The following AS3MT variants were observed in gnomAD, a reference collection of about 807,000 sequenced individuals.
AS3MT encodes the protein arsenite methyltransferase, also known as S-adenosyl-L-methionine:arsenic(III) methyltransferase.
Under a neutral mutation model 45.3 loss-of-function variants are expected in AS3MT, and 47 were observed. The observed-to-expected ratio is 1.04, with a 90% CI of 0.82 to 1.32. The LOEUF (loss-of-function observed/expected upper bound fraction) is 1.32. Among genes scored for constraint, AS3MT ranks in the 40% most tolerant of loss-of-function variants. The pLI is 0.00. For synonymous variants in AS3MT, 141 were observed against 152.8 expected (o/e 0.92, Z 0.57); for missense variants, 396 against 451.1 (o/e 0.88, Z 1.11).
chr10:102,871,546 CAAAAAAAAAAAAAAAAAA>C (rs748797211), intron 3 of AS3MT, among the ~76,000 whole-genome samples: 2 of 23,266 alleles, frequency 8.6e-5, no homozygotes, highest in Non-Finnish European at 1.4e-4. Flanking sequence ...GACTCCGTCT[CAAAAAAAAAAAAAAAAAA>C]AAAAAAAAAA....
Position 102,870,155 on chromosome 10 carries a change from G to T in AS3MT, c.114G>T (p.Pro38=). 1.9e-6 allele frequency: 3 copies of T among 1,614,162 alleles called. No homozygotes were observed. Among genetic ancestry groups the T allele is most frequent in the Non-Finnish European group, 2.5e-6 (3 of 1,180,032 alleles). ...ACGGCTGTGTCACCACAGCCAGGCC[G>T]GTCCCCAAGCACATCCGGGAAGCCT... ...QTNGCVTTAR[P]VPKHIREALQ... The change falls in exon 3 of 11, where the codon CCG becomes CCT. Residue 38 remains proline, a synonymous_variant. Coordinates refer to ENST00000369880, the MANE Select transcript of AS3MT (RefSeq NM_020682.4).
chr10:102,872,278 G>T (rs1844704308), intron 3 of AS3MT, among the ~76,000 whole-genome samples, 170 bp from the exon 4 acceptor site: 1 of 152,164 alleles, frequency 6.6e-6, no homozygotes, highest in Non-Finnish European at 1.5e-5. Context: ...AGCCTTCATG[G>T]GTGTCCAGTT....
intron 7 of AS3MT, among the ~76,000 whole-genome samples, chr10:102,877,407 T>C (rs17880112): frequency 4.6e-5 from 7 of 152,300 alleles, no homozygotes; most frequent in Non-Finnish European, 1.0e-4. Context: ...GTGTTCTTTA[T>C]TCCTTTATTA....
intron 10 of AS3MT, among the ~76,000 whole-genome samples, chr10:102,892,460 C>T (rs1453939346): frequency 1.3e-5 from 2 of 152,060 alleles, no homozygotes; most frequent in African/African-American, 2.4e-5. Flanking sequence ...CAAAAATGGG[C>T]ACACAGATGC....
At chr10:102,890,952 A>T (rs2134128099) in intron 10 of AS3MT, among the ~76,000 whole-genome samples, 1 of 152,222 alleles carries the variant, frequency 6.6e-6, no homozygotes, top group East Asian at 1.9e-4. Context: ...ACCTCAGGTA[A>T]CCCACCTGCC....
chr10:102,890,024 G>T (rs7101182), intron 9 of AS3MT, among the ~76,000 whole-genome samples: 1 of 140,058 alleles, frequency 7.1e-6, no homozygotes, highest in Non-Finnish European at 1.5e-5. Flanking sequence ...ACGGAGTCTC[G>T]CTCTGTTGCC....
chr10:102,900,820 A>G lies in AS3MT; in HGVS notation c.*120A>G, dbSNP rs1362177975. The stretch of plus-strand genomic sequence containing the variant: ...CAAATGGGGCCGGGCACAGTGGCTC[A>G]TGCCTATAATCCCAGCACTTTGGGA... On this transcript the variant is annotated 3_prime_UTR_variant, in exon 11 of 11. Coordinates refer to ENST00000369880, the MANE Select transcript of AS3MT (RefSeq NM_020682.4). 2 of 743,636 alleles carry G rather than the reference A, an allele frequency of 2.7e-6. No individual in the cohort carries two copies. The highest frequency in any genetic ancestry group is 4.5e-6 in the Non-Finnish European group (2 of 447,472). 46.1% of individuals were successfully genotyped at this position (743,636 alleles called of 1,614,324 possible).
chr10:102,886,923 G>A (rs1844968700), intron 9 of AS3MT, among the ~76,000 whole-genome samples: 1 of 152,024 alleles, frequency 6.6e-6, no homozygotes, highest in African/African-American at 2.4e-5. Flanking sequence ...TTTGATATAG[G>A]CATTACTTGA....
chr10:102,882,101 G>A (rs1006635164), intron 9 of AS3MT, among the ~76,000 whole-genome samples: 5 of 151,884 alleles, frequency 3.3e-5, no homozygotes, highest in African/African-American at 4.8e-5. Context: ...CACCACACCC[G>A]GCTAATTTTT....
intron 9 of AS3MT, chr10:102,888,311 T>C (rs909995294): frequency 2.6e-5 from 4 of 152,240 alleles, no homozygotes; most frequent in Non-Finnish European, 4.4e-5. Flanking sequence ...GATACATAAT[T>C]GATGTAGCTA....
At chr10:102,870,382 C>T (rs1564789604) in intron 3 of AS3MT, among the ~76,000 whole-genome samples, 171 bp downstream of exon 3, 1 of 152,130 alleles carries the variant, frequency 6.6e-6, no homozygotes, top group South Asian at 2.1e-4. Context: ...TAAGAACCTC[C>T]GATGAGTCTG....
intron 10 of AS3MT, among the ~76,000 whole-genome samples, chr10:102,893,465 T>C (rs1272334081): frequency 6.6e-6 from 1 of 150,840 alleles, no homozygotes; most frequent in Non-Finnish European, 1.5e-5. Context: ...ATTACAGGCA[T>C]GTGCCACCAT....
intron 9 of AS3MT, among the ~76,000 whole-genome samples, chr10:102,889,632 C>CTTCT (rs1468751566): frequency 1.4e-5 from 2 of 144,886 alleles, no homozygotes; most frequent in Non-Finnish European, 3.1e-5. Context: ...TCCTTCCTTC[C>CTTCT]TTCCTTCCTT....
At chr10:102,885,731 G>A (rs1439995818) in intron 9 of AS3MT, among the ~76,000 whole-genome samples, 1 of 108,160 alleles carries the variant, frequency 9.2e-6, no homozygotes, top group Non-Finnish European at 2.0e-5. Context: ...GGGTTTCACC[G>A]TTTTAGCCGG....
Position 102,899,474 on chromosome 10 carries a change from T to G in AS3MT, c.1021-1119T>G, listed in dbSNP as rs554653199. On this transcript the variant is annotated intron_variant, in intron 10 of 10. Transcript: ENST00000369880. ...CTCTTCATTTCAGAAAGGTAGACAC[T>G]GAGGGACAGAGAGACCAAGGCCAGC... 1.7e-3 allele frequency among the ~76,000 whole-genome samples: 259 copies of G among 152,284 alleles called. 1 individual carries two copies. Among genetic ancestry groups the G allele is most frequent in the Middle Eastern group, 3.4e-3 (1 of 294 alleles).
At chr10:102,891,299 G>C (rs926554871) in intron 10 of AS3MT, among the ~76,000 whole-genome samples, 2 of 152,176 alleles carry the variant, frequency 1.3e-5, no homozygotes, top group African/African-American at 4.8e-5. Context: ...TGGTGGAGTC[G>C]GCGCGGGGAG....
At chr10:102,899,274 G>A (rs1422842016) in intron 10 of AS3MT, among the ~76,000 whole-genome samples, 2 of 152,128 alleles carry the variant, frequency 1.3e-5, no homozygotes, top group Non-Finnish European at 2.9e-5. Context: ...TACTCCCAGA[G>A]TACATGAGCC....
At position 102,870,205 on chromosome 10, in the gene AS3MT, C is replaced by T; in HGVS notation, c.164C>T (p.Ala55Val). 2 of 1,614,146 alleles carry T rather than the reference C, an allele frequency of 1.2e-6. No individual in the cohort carries two copies. Among genetic ancestry groups the T allele is most frequent in the Non-Finnish European group, 1.7e-6 (2 of 1,180,028 alleles). ...EALQNVHEEV[A>V]LRYYGCGLVI... ...TTGCAAAATGTACACGAAGAAGTAG[C>T]CCTAAGGTAGAGTGCCCTGTGCTGT... The change falls in exon 3 of 11, where the codon GCC (alanine) becomes GTC (valine). Residue 55 changes from alanine to valine, a missense_variant. By Grantham distance (64) the Ala-to-Val change is moderately conservative. Coordinates refer to ENST00000369880, the MANE Select transcript of AS3MT (RefSeq NM_020682.4).
chr10:102,869,986 C>T (rs1427350647), intron 2 of AS3MT, 98 bp from the exon 3 acceptor site: 3 of 1,562,814 alleles, frequency 1.9e-6, no homozygotes, highest in Non-Finnish European at 2.6e-6. Context: ...GAACTGAGGT[C>T]GGCCAAGTGG....
Sources: allele counts gnomAD v4.1 joint callset (sites outside exome capture counted in the v4.1 genomes callset), GRCh38; gene constraint gnomAD v4.1.1; transcripts MANE v1.5; gene names NCBI Gene and HGNC (gene_info 2026-07-23, HGNC 2026-07-21).